CADM2: variants seen among roughly 807,000 people sequenced by gnomAD.
CADM2 encodes immunoglobulin superfamily member 4D.
A neutral mutation model predicts 49.8 loss-of-function variants in CADM2; 12 were observed. That is an observed-to-expected ratio of 0.24 (90% CI 0.15 to 0.39). The LOEUF is 0.39. Ranked by LOEUF, CADM2 falls within the 10% of genes least tolerant of loss-of-function variation. The pLI is 1.00. For missense variants in CADM2, 378 were observed against 492.3 expected, an observed-to-expected ratio of 0.77 and a Z score of 2.20; for synonymous variants, 214 against 175.4, an observed-to-expected ratio of 1.22 and a Z score of -1.74.
intron 1 of CADM2, among the ~76,000 whole-genome samples, chr3:85,578,452 G>T (rs2062706827): frequency 6.6e-6 from 1 of 152,192 alleles, no homozygotes; most frequent in African/African-American, 2.4e-5. Context: ...GTTAAATGAG[G>T]TTAAAAACAG....
intron 1 of CADM2, among the ~76,000 whole-genome samples, chr3:85,174,906 C>A (rs557014634): frequency 1.3e-5 from 2 of 151,992 alleles, no homozygotes; most frequent in Admixed American, 1.3e-4. Flanking sequence ...TGTTAAAACT[C>A]GACAATAACA....
intron 1 of CADM2, among the ~76,000 whole-genome samples, chr3:85,193,369 A>T (rs1050434254): frequency 1.4e-4 from 4 of 29,030 alleles, no homozygotes; most frequent in East Asian, 1.2e-3. Context: ...AAAAAATCTT[A>T]AAAAATTTAG....
chr3:85,114,977 A>T (rs1024041229), intron 1 of CADM2, among the ~76,000 whole-genome samples: 2 of 152,198 alleles, frequency 1.3e-5, no homozygotes, highest in Non-Finnish European at 1.5e-5. Flanking sequence ...GAAACATTTT[A>T]CACAAAGCCC....
intron 8 of CADM2, chr3:85,994,586 C>T (rs968969778): frequency 1.3e-5 from 2 of 152,198 alleles, no homozygotes; most frequent in Non-Finnish European, 2.9e-5. Context: ...GCCTTCCTCA[C>T]TAAGCTTCAT....
chr3:85,728,232 A>G (rs920861200), intron 2 of CADM2, among the ~76,000 whole-genome samples: 1 of 152,194 alleles, frequency 6.6e-6, no homozygotes, highest in Non-Finnish European at 1.5e-5. Flanking sequence ...ATATTTCTGT[A>G]TCCAATTTAG....
intron 1 of CADM2, among the ~76,000 whole-genome samples, chr3:85,155,141 T>G (rs1055603112): frequency 1.3e-5 from 2 of 149,446 alleles, no homozygotes; most frequent in Non-Finnish European, 2.9e-5. Flanking sequence ...AGACACAGAC[T>G]GGCAAATTGG....
intron 8 of CADM2, among the ~76,000 whole-genome samples, chr3:86,000,022 G>A (rs1056471448): frequency 1.1e-4 from 17 of 152,110 alleles, no homozygotes; most frequent in Non-Finnish European, 2.1e-4. Context: ...ACAAAATAAA[G>A]CCACTAAGGG....
At chr3:85,935,723 T>C (rs778330471) in intron 6 of CADM2, 44 bp from the exon 7 acceptor site, 1 of 1,041,096 alleles carries the variant, frequency 9.6e-7, no homozygotes, top group Non-Finnish European at 1.5e-6. Flanking sequence ...ATATCTAGTT[T>C]TGTATGTGTT....
intron 1 of CADM2, among the ~76,000 whole-genome samples, chr3:85,318,971 A>G (rs2044536327): frequency 6.6e-6 from 1 of 152,196 alleles, no homozygotes; most frequent in Admixed American, 6.5e-5. Flanking sequence ...TACAGGATTA[A>G]ATTGTGAATT....
At chr3:85,720,795 A>G (rs928613881) in intron 1 of CADM2, among the ~76,000 whole-genome samples, 3 of 152,184 alleles carry the variant, frequency 2.0e-5, no homozygotes, top group African/African-American at 4.8e-5. Context: ...AAGAGGAGAA[A>G]AGGTAGGCAG....
chr3:85,107,884 A>G (rs1439843886), intron 1 of CADM2, among the ~76,000 whole-genome samples: 1 of 151,360 alleles, frequency 6.6e-6, no homozygotes, highest in Non-Finnish European at 1.5e-5. Flanking sequence ...TATTTTTAGT[A>G]TAGATAGGGT....
chr3:85,205,901 T>C (rs1442733602), intron 1 of CADM2, among the ~76,000 whole-genome samples: 1 of 152,062 alleles, frequency 6.6e-6, no homozygotes, highest in East Asian at 1.9e-4. Context: ...TATATAATTT[T>C]CTCTCAGAAA....
At chr3:85,822,679 G>C (rs2073660620) in intron 3 of CADM2, among the ~76,000 whole-genome samples, 1 of 152,072 alleles carries the variant, frequency 6.6e-6, no homozygotes, top group African/African-American at 2.4e-5. Flanking sequence ...TGCATTAGTA[G>C]CCTGCTCCAG....
At chr3:85,830,000 A>G (rs1405080901) in intron 3 of CADM2, among the ~76,000 whole-genome samples, 2 of 152,112 alleles carry the variant, frequency 1.3e-5, no homozygotes, top group South Asian at 4.1e-4. Flanking sequence ...TCTCTTCCAC[A>G]TACTACTTCA....
intron 3 of CADM2, among the ~76,000 whole-genome samples, chr3:85,818,149 A>G (rs971736375): frequency 6.6e-6 from 1 of 152,102 alleles, no homozygotes; most frequent in Admixed American, 6.6e-5. Flanking sequence ...CTGTAACTAC[A>G]TTGAGGGTAA....
intron 1 of CADM2, among the ~76,000 whole-genome samples, chr3:85,276,280 A>G (rs2043355605): frequency 6.6e-6 from 1 of 151,338 alleles, no homozygotes; most frequent in African/African-American, 2.4e-5. Context: ...GATGTTATAT[A>G]GTGCTTAATA....
intron 1 of CADM2, among the ~76,000 whole-genome samples, chr3:85,095,364 A>G (rs1416580316): frequency 6.6e-6 from 1 of 152,186 alleles, no homozygotes; most frequent in East Asian, 1.9e-4. Flanking sequence ...CTAGGCAGTC[A>G]CAATTCTAGG....
rs372746475 is a variant in CADM2 at position 85,881,287 on chromosome 3, T to A, written c.239-2004T>A. ...ATGCTAAGGTTTTCTGTTTTTTTTA[T>A]TTGTGTCAAGATCATTAGTAATTGC... On this transcript the variant is annotated intron_variant, in intron 3 of 9. Transcript: ENST00000383699. Among the ~76,000 whole-genome samples, 10 of 152,222 alleles carry A rather than the reference T, an allele frequency of 6.6e-5. No homozygotes were observed. The South Asian group carries it at 2.1e-3, about 32-fold the overall frequency.
At chr3:85,207,359 T>C (rs1474688654) in intron 1 of CADM2, among the ~76,000 whole-genome samples, 2 of 152,178 alleles carry the variant, frequency 1.3e-5, no homozygotes, top group Non-Finnish European at 2.9e-5. Context: ...TTTTTAGAGG[T>C]ATTTCTGCTT....
Sources: gnomAD v4.1 joint callset for allele counts (sites outside exome capture counted in the v4.1 genomes callset) on GRCh38, gnomAD v4.1.1 for gene constraint, MANE v1.5 for transcripts, NCBI Gene and HGNC (gene_info 2026-07-23, HGNC 2026-07-21) for gene names.